The following RNF11 variants were observed in gnomAD, a reference collection of about 807,000 sequenced individuals.
RNF11 encodes ring finger protein 11.
Under a neutral mutation model 15.8 loss-of-function variants are expected in RNF11, and 4 were observed. The observed-to-expected ratio is 0.25, with a 90% CI of 0.12 to 0.58. RNF11 has a LOEUF of 0.58. Ranked by LOEUF, RNF11 falls within the 20% of genes least tolerant of loss-of-function variation. RNF11 has a pLI of 0.91. For synonymous variants in RNF11, 68 were observed against 72.3 expected, an observed-to-expected ratio of 0.94 and a Z score of 0.30; for missense variants, 139 against 194.4, an observed-to-expected ratio of 0.71 and a Z score of 1.70.
intron 1 of RNF11, chr1:51,251,523 G>C: frequency 1.7e-6 from 1 of 576,160 alleles, no homozygotes. Flanking sequence ...AATAAACTTA[G>C]GTGATTCTCA....
chr1:51,243,011 T>G (rs1646837126), intron 1 of RNF11, among the ~76,000 whole-genome samples: 1 of 152,212 alleles, frequency 6.6e-6, no homozygotes, highest in South Asian at 2.1e-4. Context: ...ATCAACTAAC[T>G]CCACCTTTGT....
In RNF11 at chr1:51,256,860, G is replaced by A. The variant is rs375447305; in HGVS notation, c.124-13096G>A. Among the ~76,000 whole-genome samples, 168 of 152,250 alleles carry A rather than the reference G, an allele frequency of 1.1e-3. 1 individual carries two copies. The highest frequency in any genetic ancestry group is 3.6e-3 in the African/African-American group (148 of 41,562). The stretch of plus-strand genomic sequence containing the variant: ...AGCTAATTTTTGCATTTTTAGTAGA[G>A]ACGGGGTTTCACCATGTTGGCCAGG... On this transcript the variant is annotated intron_variant, in intron 1 of 2. Transcript: ENST00000242719.
At chr1:51,263,737 C>T (rs913640210) in intron 1 of RNF11, among the ~76,000 whole-genome samples, 13 of 151,912 alleles carry the variant, frequency 8.6e-5, no homozygotes, top group Admixed American at 2.0e-4. Context: ...AGCCTAGGGC[C>T]GGGGAGTTTG....
chr1:51,260,318 G>C (rs1252893986), intron 1 of RNF11, among the ~76,000 whole-genome samples: 1 of 151,972 alleles, frequency 6.6e-6, no homozygotes, highest in Non-Finnish European at 1.5e-5. Context: ...AGAGTCCTTG[G>C]GATTTTCTAA....
At chr1:51,246,060 G>A (rs1344489550) in intron 1 of RNF11, among the ~76,000 whole-genome samples, 1 of 152,112 alleles carries the variant, frequency 6.6e-6, no homozygotes, top group Non-Finnish European at 1.5e-5. Context: ...GAGGTTAGGA[G>A]TTTGAGACCA....
At chr1:51,246,979 T>TAA (rs58842374) in intron 1 of RNF11, among the ~76,000 whole-genome samples, 2,138 of 126,508 alleles carry the variant, frequency 0.017, 58 homozygotes, top group African/African-American at 0.058. Flanking sequence ...CCTTATCTCT[T>TAA]AAAAAAAAAA....
At position 51,236,898 on chromosome 1, in the gene RNF11, TGGG is replaced by T; in HGVS notation, c.123+23_123+25del. ...ATATCAGGTAGGGGAGGGTGTGTGTTGGGGGGAGCGAGTAGAGGCAGCTCTGGC... is the reference window on the plus strand; with the variant it reads ...ATATCAGGTAGGGGAGGGTGTGTGTTGGGAGCGAGTAGAGGCAGCTCTGGC... On this transcript the variant is annotated intron_variant, in intron 1 of 2. Transcript: ENST00000242719. The T allele has an allele frequency of 1.3e-6, 2 of 1,599,898 alleles. No individual in the cohort carries two copies. Among genetic ancestry groups the T allele is most frequent in the Non-Finnish European group, 8.5e-7 (1 of 1,172,986 alleles).
Position 51,271,434 on chromosome 1 carries a change from C to A in RNF11, c.*112C>A. The stretch of plus-strand genomic sequence containing the variant: ...GAATTAAGATCGTGCACAAAAGTTT[C>A]CTTAAAATTCCTGGATGGCTGCAGA... On this transcript the variant is annotated 3_prime_UTR_variant, in exon 3 of 3. Coordinates refer to ENST00000242719, the MANE Select transcript of RNF11 (RefSeq NM_014372.5). 1 of 796,560 alleles carries A rather than the reference C, an allele frequency of 1.3e-6. No homozygotes were observed. 49.3% of individuals were successfully genotyped at this position (796,560 alleles called of 1,614,324 possible).
chr1:51,250,047 A>G (rs1190713859), intron 1 of RNF11, among the ~76,000 whole-genome samples: 1 of 152,188 alleles, frequency 6.6e-6, no homozygotes, highest in Non-Finnish European at 1.5e-5. Context: ...ATAGTTTTCC[A>G]AGTGGTTGCA....
intron 1 of RNF11, among the ~76,000 whole-genome samples, chr1:51,258,601 C>T (rs1306481404): frequency 2.0e-5 from 3 of 152,190 alleles, no homozygotes; most frequent in Non-Finnish European, 4.4e-5. Flanking sequence ...GTAGGCACAA[C>T]ATATGGCACA....
In RNF11 at chr1:51,238,462, A is replaced by T. The variant is rs1003859966; in HGVS notation, c.123+1583A>T. 5.9e-5 allele frequency among the ~76,000 whole-genome samples: 9 copies of T among 152,328 alleles called. No individual in the cohort carries two copies. The East Asian group carries it at 1.7e-3, about 29-fold the overall frequency. ...AGTAACTGGGAGATAAATTACGAGT[A>T]AAAGCCCTTGAGAACAGGGACTCTC... On this transcript the variant is annotated intron_variant, in intron 1 of 2. Coordinates refer to ENST00000242719, the MANE Select transcript of RNF11 (RefSeq NM_014372.5).
chr1:51,256,088 C>G (rs988325511), intron 1 of RNF11, among the ~76,000 whole-genome samples: 1 of 152,038 alleles, frequency 6.6e-6, no homozygotes, highest in African/African-American at 2.4e-5. Context: ...ACATTATCAC[C>G]CCAAACCCAC....
chr1:51,258,395 G>A (rs1646915067), intron 1 of RNF11, among the ~76,000 whole-genome samples: 1 of 152,174 alleles, frequency 6.6e-6, no homozygotes, highest in Admixed American at 6.5e-5. Flanking sequence ...TAACTGCACA[G>A]TGAGGCAGAA....
intron 1 of RNF11, among the ~76,000 whole-genome samples, chr1:51,257,855 T>TC (rs1300269541): frequency 2.1e-5 from 3 of 140,508 alleles, no homozygotes; most frequent in African/African-American, 8.0e-5. Context: ...TTTCTTTTCT[T>TC]TTTTTTTTTT....
chr1:51,256,682 A>G (rs969894209), intron 1 of RNF11, among the ~76,000 whole-genome samples: 6 of 151,256 alleles, frequency 4.0e-5, no homozygotes, highest in Non-Finnish European at 8.8e-5. Context: ...TGTTGTTGTT[A>G]TTGTTTTTTG....
rs34974872 is a variant in RNF11 at position 51,272,484 on chromosome 1, C to T, written c.*1162C>T. On this transcript the variant is annotated 3_prime_UTR_variant, in exon 3 of 3. Coordinates refer to ENST00000242719, the MANE Select transcript of RNF11 (RefSeq NM_014372.5). Reference sequence around the variant, plus strand: ...TTGTATTTTATGTTTTGCACACAAACGCAGAATTTGTATAACCATATGACT... The same window carrying T: ...TTGTATTTTATGTTTTGCACACAAATGCAGAATTTGTATAACCATATGACT... 8.3e-3 allele frequency: 1,273 copies of T among 152,632 alleles called. 10 individuals carry two copies. Among genetic ancestry groups the T allele is most frequent in the Admixed American group, 0.017 (263 of 15,284 alleles). The allele number at this position is 152,632 out of a possible 1,614,324, so 9.5% of individuals were successfully genotyped here.
At chr1:51,258,187 G>A (rs1334634519) in intron 1 of RNF11, among the ~76,000 whole-genome samples, 1 of 152,092 alleles carries the variant, frequency 6.6e-6, no homozygotes, top group Non-Finnish European at 1.5e-5. Flanking sequence ...GTGATAATCG[G>A]AATGGCACGC....
intron 1 of RNF11, among the ~76,000 whole-genome samples, chr1:51,266,466 T>C (rs549330792): frequency 2.0e-5 from 3 of 152,136 alleles, no homozygotes; most frequent in African/African-American, 7.2e-5. Flanking sequence ...TCCAAATCAT[T>C]AGCAGTTTTT....
chr1:51,263,771 A>C (rs1646941098), intron 1 of RNF11, among the ~76,000 whole-genome samples: 1 of 152,110 alleles, frequency 6.6e-6, no homozygotes, highest in Non-Finnish European at 1.5e-5. Context: ...TAATGAGTAC[A>C]CTTTCTTTTG....
Sources: gnomAD v4.1 joint callset for allele counts (sites outside exome capture counted in the v4.1 genomes callset) on GRCh38, gnomAD v4.1.1 for gene constraint, MANE v1.5 for transcripts, NCBI Gene and HGNC (gene_info 2026-07-23, HGNC 2026-07-21) for gene names.